The following PCDHGA4 variants were observed in gnomAD, a reference collection of about 807,000 sequenced individuals.
PCDHGA4 encodes the protein protocadherin gamma subfamily A, 4.
Under a neutral mutation model 54.6 loss-of-function variants are expected in PCDHGA4, and 38 were observed. The observed-to-expected ratio is 0.70, with a 90% CI of 0.54 to 0.91. PCDHGA4 has a LOEUF of 0.91. Among genes scored for constraint, PCDHGA4 ranks in the 40% least tolerant of loss-of-function variants. The probability of loss-of-function intolerance (pLI) is 0.00; values close to 1 mark genes in which losing one functional copy is unlikely to be tolerated. For synonymous variants in PCDHGA4, 511 were observed against 512.9 expected (o/e 1.00, Z 0.05); for missense variants, 1,298 against 1,220.9 (o/e 1.06, Z -0.94).
Position 141,485,563 on chromosome 5 carries a change from C to T in PCDHGA4, c.2515-9244C>T, listed in dbSNP as rs746689576. The T allele has an allele frequency of 1.2e-5, 19 of 1,612,904 alleles. No homozygotes were observed. In the South Asian group the frequency reaches 1.6e-4, roughly 14 times the overall value. ...AGATCGTAGATGTGAATGATCACGCCCCCCGTTTTCCGCGGCAGCAGCTGG... is the reference window on the plus strand; with the variant it reads ...AGATCGTAGATGTGAATGATCACGCTCCCCGTTTTCCGCGGCAGCAGCTGG... On this transcript the variant is annotated intron_variant, in intron 1 of 3. Coordinates refer to ENST00000571252, the MANE Select transcript of PCDHGA4 (RefSeq NM_018917.4). This position sits in a 1 kb window ranked among gnomAD's most constrained non-coding sequence, Gnocchi z 5.7.
At chr5:141,473,919 A>G (rs2099331297) in intron 1 of PCDHGA4, among the ~76,000 whole-genome samples, 1 of 152,172 alleles carries the variant, frequency 6.6e-6, no homozygotes, top group African/African-American at 2.4e-5. Flanking sequence ...TAAGAAAACT[A>G]TGAGCTGGGT....
chr5:141,387,926 G>A (rs888934094), intron 1 of PCDHGA4: 1 of 1,236,078 alleles, frequency 8.1e-7, no homozygotes, highest in South Asian at 1.5e-5. Context: ...CTGAGAGGCT[G>A]CCAGTGCTCT....
intron 1 of PCDHGA4, chr5:141,419,262 G>C: frequency 1.9e-6 from 3 of 1,614,014 alleles, no homozygotes; most frequent in Non-Finnish European, 2.5e-6. Context: ...AACCAGCCGG[G>C]TGCCTCCATA....
chr5:141,505,259 C>A, intron 2 of PCDHGA4, 134 bp from the exon 3 acceptor site: 1 of 1,500,262 alleles, frequency 6.7e-7, no homozygotes, highest in Non-Finnish European at 8.9e-7. Context: ...GTGCCTCCTA[C>A]CTTGCTGAGA....
At chr5:141,505,564 G>GGATGTCAAACCTGTGTAGTTTCTCCA in intron 3 of PCDHGA4, 83 bp downstream of exon 3, 1 of 1,603,196 alleles carries the variant, frequency 6.2e-7, no homozygotes, top group Non-Finnish European at 8.5e-7. Context: ...CCCACGGACT[G>GGATGTCAAACCTGTGTAGTTTCTCCA]GATGTCAAAC....
rs2095403267 is a variant in PCDHGA4, at chr5:141,410,523, A to C, written c.2514+52902A>C. 2 of 1,613,800 alleles carry C rather than the reference A, an allele frequency of 1.2e-6. No individual in the cohort carries two copies. Among genetic ancestry groups the C allele is most frequent in the African/African-American group, 2.7e-5 (2 of 74,910 alleles). ...TTCCTAAAATGCAGTGTGCCCCTAC[A>C]TTCCAATGAAGACATGGTTTGCAGT... On this transcript the variant is annotated intron_variant, in intron 1 of 3. Coordinates refer to ENST00000571252, the MANE Select transcript of PCDHGA4 (RefSeq NM_018917.4).
chr5:141,413,358 G>C, intron 1 of PCDHGA4: 1 of 1,613,972 alleles, frequency 6.2e-7, no homozygotes, highest in Non-Finnish European at 8.5e-7. Flanking sequence ...TGGCGCCCCG[G>C]GAGCTGGCGG....
intron 1 of PCDHGA4, chr5:141,394,079 G>A (rs375995047): frequency 5.0e-6 from 8 of 1,613,706 alleles, no homozygotes; most frequent in Non-Finnish European, 5.9e-6. Context: ...ATATCACAGT[G>A]ATGGCCTCAG....
Position 141,490,710 on chromosome 5 carries a change from C to G in PCDHGA4, c.2515-4097C>G, listed in dbSNP as rs1158575765. On this transcript the variant is annotated intron_variant, in intron 1 of 3. Coordinates refer to ENST00000571252, the MANE Select transcript of PCDHGA4 (RefSeq NM_018917.4). The surrounding 1 kb of genome is among the most constrained non-coding windows in gnomAD (Gnocchi z 5.4). ...ACACTGGGGATAATGCCCGCCTCAC[C>G]TACTCCATTGTAGGAAATCAGGTTC... 6.2e-7 allele frequency: 1 copy of G among 1,614,208 alleles called. No homozygotes were observed. The highest frequency in any genetic ancestry group is 8.5e-7 in the Non-Finnish European group (1 of 1,180,030).
intron 1 of PCDHGA4, chr5:141,404,241 C>A (rs960579159): frequency 6.2e-7 from 1 of 1,613,458 alleles, no homozygotes; most frequent in African/African-American, 1.3e-5. Context: ...AGAGGAACTC[C>A]GCCCCTGTCC....
rs187873649 is a variant in PCDHGA4, at chr5:141,469,715, G to A, written c.2515-25092G>A. ...TATGACCTAGTAATCACACTATTAG[G>A]AATTTATCATAAATACACACCTCAA... On this transcript the variant is annotated intron_variant, in intron 1 of 3. Coordinates refer to ENST00000571252, the MANE Select transcript of PCDHGA4 (RefSeq NM_018917.4). Among the ~76,000 whole-genome samples, 552 of 152,160 alleles carry A rather than the reference G, an allele frequency of 3.6e-3. 1 individual carries two copies. Among genetic ancestry groups the A allele is most frequent in the Non-Finnish European group, 5.8e-3 (397 of 68,008 alleles).
intron 1 of PCDHGA4, chr5:141,441,116 C>G (rs1358636787): frequency 3.3e-5 from 5 of 152,156 alleles, no homozygotes; most frequent in Non-Finnish European, 7.3e-5. Context: ...GTCCAGTGTA[C>G]AGTTGAGACC....
At chr5:141,454,824 T>C (rs1231148585) in intron 1 of PCDHGA4, among the ~76,000 whole-genome samples, 1 of 127,218 alleles carries the variant, frequency 7.9e-6, no homozygotes, top group African/African-American at 3.3e-5. Flanking sequence ...TTTTTTTTTT[T>C]TGAGACAGAG....
rs1395235006 is a variant in PCDHGA4 at position 141,360,862 on chromosome 5, A to G, written c.2514+3241A>G. 3.7e-6 allele frequency: 6 copies of G among 1,613,898 alleles called. No individual in the cohort carries two copies. In the African/African-American group the frequency reaches 6.7e-5, roughly 18 times the overall value. The stretch of plus-strand genomic sequence containing the variant: ...TGCCAACGATAACCCTCCAGTGTTC[A>G]GCCAGGACGTGTACAGGGTCACCCT... On this transcript the variant is annotated intron_variant, in intron 1 of 3. Transcript: ENST00000571252.
chr5:141,473,151 T>C (rs2099315238), intron 1 of PCDHGA4, among the ~76,000 whole-genome samples: 1 of 152,242 alleles, frequency 6.6e-6, no homozygotes. Context: ...TTCAGATCAC[T>C]AGGGCTAGGA....
At chr5:141,365,959 C>A in intron 1 of PCDHGA4, 1 of 1,614,262 alleles carries the variant, frequency 6.2e-7, no homozygotes, top group Non-Finnish European at 8.5e-7. Context: ...CTCCACTTAG[C>A]AGCAACGTGT....
chr5:141,362,025 T>A (rs1199168452), intron 1 of PCDHGA4: 3 of 1,608,318 alleles, frequency 1.9e-6, no homozygotes, highest in Admixed American at 3.3e-5. Flanking sequence ...GCACAGCGCG[T>A]GCCTTGGGCG....
chr5:141,372,541 G>T, intron 1 of PCDHGA4: 16 of 1,613,980 alleles, frequency 9.9e-6, no homozygotes, highest in Non-Finnish European at 1.3e-5. Flanking sequence ...CTGCGCCTGC[G>T]ATGCTCCTCC....
intron 1 of PCDHGA4, among the ~76,000 whole-genome samples, chr5:141,483,755 G>A (rs2099586573): frequency 6.6e-6 from 1 of 152,130 alleles, no homozygotes. Flanking sequence ...TGAGGATCGA[G>A]GCTTGGAAAA....
Sources: gnomAD v4.1 joint callset for allele counts (sites outside exome capture counted in the v4.1 genomes callset) on GRCh38, gnomAD v4.1.1 for gene constraint, Gnocchi (gnomAD v3.1) non-coding constraint, MANE v1.5 for transcripts, NCBI Gene and HGNC (gene_info 2026-07-23, HGNC 2026-07-21) for gene names.